The following QTMAN variants were observed in gnomAD, a reference collection of about 807,000 sequenced individuals.
QTMAN encodes the protein queuosine-tRNA mannosyltransferase, also known as tRNA-queuosine alpha-mannosyltransferase.
the QTMAN span, among the ~76,000 whole-genome samples, chr2:144,092,870 GGTGT>G: frequency 0.03 from 4,232 of 140,682 alleles, 62 homozygotes; most frequent in South Asian, 0.042. Context: ...AAACTTTTGG[GGTGT>G]GTGTGTGTGT....
the QTMAN span, among the ~76,000 whole-genome samples, chr2:144,301,868 G>T: frequency 6.6e-6 from 1 of 152,270 alleles, no homozygotes; most frequent in East Asian, 1.9e-4. Context: ...GCACATCATG[G>T]GTCCTCAAGA....
chr2:143,969,702 T>C, the QTMAN span, among the ~76,000 whole-genome samples: 1 of 152,014 alleles, frequency 6.6e-6, no homozygotes, highest in Admixed American at 6.6e-5. Context: ...AAGGATAAAA[T>C]AGAAATAAAC....
At chr2:144,108,551 T>C in the QTMAN span, among the ~76,000 whole-genome samples, 32 of 151,122 alleles carry the variant, frequency 2.1e-4, no homozygotes, top group African/African-American at 7.8e-4. Context: ...GGCAGGAGAA[T>C]AGCATGAACC....
chr2:144,206,944 A>C, the QTMAN span, among the ~76,000 whole-genome samples: 787 of 152,316 alleles, frequency 5.2e-3, 11 homozygotes, highest in African/African-American at 0.018. Context: ...AAAGTGCCAT[A>C]AAGTCAACTG....
chr2:144,250,161 A>G, the QTMAN span, among the ~76,000 whole-genome samples: 2 of 143,248 alleles, frequency 1.4e-5, no homozygotes. Flanking sequence ...TGTGAGATGG[A>G]GTCTCGCTCT....
the QTMAN span, among the ~76,000 whole-genome samples, chr2:144,149,006 A>G: frequency 5.3e-5 from 8 of 151,904 alleles, no homozygotes; most frequent in Non-Finnish European, 8.8e-5. Flanking sequence ...TAGCTCAACA[A>G]CACCCAAAAA....
chr2:144,072,662 A>C, the QTMAN span, among the ~76,000 whole-genome samples: 1 of 152,188 alleles, frequency 6.6e-6, no homozygotes, highest in Non-Finnish European at 1.5e-5. Flanking sequence ...ACCTTGACAG[A>C]AATCCACAAC....
chr2:144,189,579 T>C, the QTMAN span, among the ~76,000 whole-genome samples: 35 of 152,252 alleles, frequency 2.3e-4, no homozygotes, highest in African/African-American at 8.2e-4. Context: ...ACATTATAAG[T>C]ATGTTCTGTT....
At chr2:144,329,344 C>A in the QTMAN span, among the ~76,000 whole-genome samples, 1 of 151,650 alleles carries the variant, frequency 6.6e-6, no homozygotes, top group East Asian at 1.9e-4. Context: ...TCATGTAATA[C>A]CAACAAGAAG....
At chr2:143,978,347 A>G in the QTMAN span, among the ~76,000 whole-genome samples, 1 of 152,152 alleles carries the variant, frequency 6.6e-6, no homozygotes, top group East Asian at 1.9e-4. Flanking sequence ...CCTGAAGGCC[A>G]CCCAGTGAGA....
chr2:144,045,206 T>C, the QTMAN span, among the ~76,000 whole-genome samples: 2 of 152,190 alleles, frequency 1.3e-5, no homozygotes, highest in African/African-American at 2.4e-5. Context: ...GAATTCACAC[T>C]TAAAGTACAG....
the QTMAN span, among the ~76,000 whole-genome samples, chr2:144,269,301 AC>A: frequency 6.6e-6 from 1 of 152,028 alleles, no homozygotes; most frequent in Non-Finnish European, 1.5e-5. Flanking sequence ...GCTGAGTAAA[AC>A]TCCCCCAAGA....
the QTMAN span, among the ~76,000 whole-genome samples, chr2:144,207,415 GCC>G: frequency 6.6e-6 from 1 of 152,184 alleles, no homozygotes; most frequent in Non-Finnish European, 1.5e-5. Context: ...GTCTCCTGTG[GCC>G]ACTTTAGAAG....
chr2:144,018,188 T>G, the QTMAN span, among the ~76,000 whole-genome samples: 1 of 152,196 alleles, frequency 6.6e-6, no homozygotes, highest in African/African-American at 2.4e-5. Flanking sequence ...ACCAGGAAAT[T>G]TAAAACTTCA....
chr2:144,044,506 T>A, the QTMAN span, among the ~76,000 whole-genome samples: 1 of 152,114 alleles, frequency 6.6e-6, no homozygotes, highest in Non-Finnish European at 1.5e-5. Flanking sequence ...GGGGAGCAAA[T>A]CCCTTCTGTT....
the QTMAN span, among the ~76,000 whole-genome samples, chr2:144,163,978 C>T: frequency 6.6e-6 from 1 of 152,146 alleles, no homozygotes; most frequent in South Asian, 2.1e-4. Flanking sequence ...GGCTGGAGTG[C>T]AGTGACACAA....
chr2:144,215,788 T>G, the QTMAN span, among the ~76,000 whole-genome samples: 1 of 152,212 alleles, frequency 6.6e-6, no homozygotes, highest in African/African-American at 2.4e-5. Flanking sequence ...ACCACTCATT[T>G]AAAGTATCGC....
the QTMAN span, among the ~76,000 whole-genome samples, chr2:144,286,168 AT>A: frequency 6.6e-6 from 1 of 152,166 alleles, no homozygotes; most frequent in Non-Finnish European, 1.5e-5. Context: ...CACTCAAATG[AT>A]TCTGGCCCTC....
chr2:144,029,487 C>T, the QTMAN span, among the ~76,000 whole-genome samples: 1 of 152,156 alleles, frequency 6.6e-6, no homozygotes, highest in African/African-American at 2.4e-5. Flanking sequence ...CAACCACTAC[C>T]CGCCTTCCCT....
Sources: allele counts gnomAD v4.1 joint callset (sites outside exome capture counted in the v4.1 genomes callset), GRCh38; gene constraint gnomAD v4.1.1; transcripts MANE v1.5; gene names NCBI Gene and HGNC (gene_info 2026-07-23, HGNC 2026-07-21).